GRIN2B: variants seen among roughly 807,000 people sequenced by gnomAD.
GRIN2B encodes the protein glutamate ionotropic receptor NMDA type subunit 2B, also known as glutamate receptor ionotropic, NMDA 2B.
In GRIN2B, 5 loss-of-function variants were observed where a neutral mutation model predicts 114.5. The ratio of observed to expected loss-of-function variants is 0.04; its 90% CI spans 0.02 to 0.09. The LOEUF is 0.09. Ranked by LOEUF, GRIN2B falls within the 10% of genes least tolerant of loss-of-function variation. The probability of loss-of-function intolerance (pLI) is 1.00; values close to 1 mark genes in which losing one functional copy is unlikely to be tolerated. For missense variants in GRIN2B, 1,108 were observed against 1,943.5 expected, an observed-to-expected ratio of 0.57 and a Z score of 8.08; for synonymous variants, 787 against 745.1, an observed-to-expected ratio of 1.06 and a Z score of -0.92.
At chr12:13,777,923 T>C (rs10845840) in intron 3 of GRIN2B, among the ~76,000 whole-genome samples, 88,798 of 152,054 alleles carry the variant, frequency 0.58, 26,767 homozygotes, top group East Asian at 0.99. Flanking sequence ...CAATTTCCTA[T>C]GTCTGCCTTG....
intron 4 of GRIN2B, among the ~76,000 whole-genome samples, chr12:13,685,490 G>A (rs1273413271): frequency 2.0e-5 from 3 of 152,142 alleles, no homozygotes; most frequent in Non-Finnish European, 4.4e-5. Flanking sequence ...AAGTGATTAT[G>A]TTGAATTGGG....
At chr12:13,916,373 C>A (rs1866720572) in intron 2 of GRIN2B, among the ~76,000 whole-genome samples, 2 of 152,090 alleles carry the variant, frequency 1.3e-5, no homozygotes, top group African/African-American at 4.8e-5. Context: ...TAAGAGAGAA[C>A]AGATTCATTC....
At chr12:13,970,252 C>T (rs1198746213) in intron 2 of GRIN2B, among the ~76,000 whole-genome samples, 2 of 152,108 alleles carry the variant, frequency 1.3e-5, no homozygotes, top group Non-Finnish European at 2.9e-5. Flanking sequence ...TGAGAGAGAG[C>T]TTTTTGAAGA....
chr12:13,903,130 A>T (rs2136789606), intron 2 of GRIN2B, among the ~76,000 whole-genome samples: 1 of 151,658 alleles, frequency 6.6e-6, no homozygotes, highest in South Asian at 2.1e-4. Context: ...ACCTTATATT[A>T]TTTTGTGTTG....
At chr12:13,744,536 G>C (rs1863341605) in intron 4 of GRIN2B, among the ~76,000 whole-genome samples, 1 of 152,070 alleles carries the variant, frequency 6.6e-6, no homozygotes, top group Non-Finnish European at 1.5e-5. Context: ...GGCAGCAAAA[G>C]ATCAATGAAC....
intron 4 of GRIN2B, among the ~76,000 whole-genome samples, chr12:13,743,132 C>A (rs1863314290): frequency 6.6e-6 from 1 of 152,168 alleles, no homozygotes; most frequent in African/African-American, 2.4e-5. Flanking sequence ...AACCCAACTG[C>A]CCACAAGCTT....
chr12:13,676,797 G>A (rs1009724685), intron 4 of GRIN2B, among the ~76,000 whole-genome samples: 22 of 152,152 alleles, frequency 1.4e-4, no homozygotes, highest in Admixed American at 3.9e-4. Context: ...GCAGGGATCT[G>A]ATATGACAGG....
chr12:13,537,980 T>A lies in GRIN2B; in HGVS notation c.*24803A>T, dbSNP rs1307691950. 4.6e-5 allele frequency: 7 copies of A among 152,232 alleles called. No homozygotes were observed. In the East Asian group the frequency reaches 1.3e-3, roughly 29 times the overall value. The allele number at this position is 152,232 out of a possible 1,614,324, so 9.4% of individuals were successfully genotyped here. ...CAGAACCACTTTTCTGGTGGTCTCT[T>A]CCCATCTTCTTGGTCATTCCAGAAT... On this transcript the variant is annotated 3_prime_UTR_variant, in exon 14 of 14. Transcript: ENST00000609686.
intron 3 of GRIN2B, among the ~76,000 whole-genome samples, chr12:13,848,641 C>T (rs1865506918): frequency 6.6e-6 from 1 of 152,142 alleles, no homozygotes; most frequent in Non-Finnish European, 1.5e-5. Context: ...TCCAGAAGCA[C>T]ACAAAAAAAC....
At chr12:13,693,238 A>G (rs1950230305) in intron 4 of GRIN2B, among the ~76,000 whole-genome samples, 1 of 152,184 alleles carries the variant, frequency 6.6e-6, no homozygotes, top group African/African-American at 2.4e-5. Flanking sequence ...TTCATTCTAC[A>G]TCATTTCGCT....
At chr12:13,894,348 G>T (rs976712086) in intron 2 of GRIN2B, among the ~76,000 whole-genome samples, 3 of 152,080 alleles carry the variant, frequency 2.0e-5, no homozygotes, top group African/African-American at 4.8e-5. Flanking sequence ...ACAGTAAGAA[G>T]GTGGTTAAGT....
chr12:13,926,885 G>A (rs891403492), intron 2 of GRIN2B, among the ~76,000 whole-genome samples: 5 of 151,822 alleles, frequency 3.3e-5, no homozygotes, highest in African/African-American at 9.7e-5. Flanking sequence ...CCCAGGAGGT[G>A]GAGCTTGCAG....
rs1342257244 is a variant in GRIN2B at position 13,548,233 on chromosome 12, T to G, written c.*14550A>C. On this transcript the variant is annotated 3_prime_UTR_variant, in exon 14 of 14. Transcript: ENST00000609686. ...AGGATAGCTAAGCACCCATGCCCCC[T>G]AAGGGATACTTGAAATAGGAAGATA... is the stretch of plus-strand genomic sequence containing the variant. The G allele has an allele frequency of 6.6e-6, 1 of 151,992 alleles. No homozygotes were observed. Among genetic ancestry groups the G allele is most frequent in the East Asian group, 1.9e-4 (1 of 5,152 alleles). The allele number at this position is 151,992 out of a possible 1,614,324, so 9.4% of individuals were successfully genotyped here. A position where few individuals can be genotyped will look rare whatever the true frequency, so the allele number is the denominator to read the frequency against.
chr12:13,866,073 C>T lies in GRIN2B; in HGVS notation c.136G>A (p.Asp46Asn), dbSNP rs370809599. The stretch of plus-strand genomic sequence containing the variant: ...TGGGCATCCTTGATGGCCACCTCGT[C>T]GGAAGTGCCCACGAGGATGACAGCA... ...GIAVILVGTS[D>N]EVAIKDAHEK... The change falls in exon 3 of 14, where the codon GAC (aspartate) becomes AAC (asparagine). Residue 46 changes from aspartate (D) to asparagine (N), a missense_variant. Asp to Asn is a conservative substitution (Grantham distance 23). Transcript: ENST00000609686. 6.2e-6 allele frequency: 10 copies of T among 1,614,024 alleles called. No homozygotes were observed. Among genetic ancestry groups the T allele is most frequent in the East Asian group, 2.2e-5 (1 of 44,850 alleles).
At chr12:13,658,201 C>G (rs1235099589) in intron 5 of GRIN2B, among the ~76,000 whole-genome samples, 2 of 150,498 alleles carry the variant, frequency 1.3e-5, no homozygotes, top group East Asian at 3.9e-4. Flanking sequence ...GAGCAAAACT[C>G]CATCTAAAAA....
intron 10 of GRIN2B, among the ~76,000 whole-genome samples, chr12:13,589,065 T>C (rs1948970160): frequency 6.6e-6 from 1 of 152,212 alleles, no homozygotes; most frequent in Admixed American, 6.5e-5. Context: ...GACATACTTA[T>C]ACTAAAATCA....
intron 2 of GRIN2B, among the ~76,000 whole-genome samples, chr12:13,871,938 G>A (rs1865916210): frequency 6.6e-6 from 1 of 152,056 alleles, no homozygotes; most frequent in Non-Finnish European, 1.5e-5. Context: ...CACCCCTAAT[G>A]TGACAAAACT....
intron 4 of GRIN2B, among the ~76,000 whole-genome samples, chr12:13,706,452 G>A (rs886334488): frequency 1.3e-5 from 2 of 152,200 alleles, no homozygotes; most frequent in South Asian, 2.1e-4. Flanking sequence ...TCAATCAGCA[G>A]AGAAAATAAA....
chr12:13,958,313 C>A (rs183190799), intron 2 of GRIN2B, among the ~76,000 whole-genome samples: 30 of 152,136 alleles, frequency 2.0e-4, no homozygotes, highest in African/African-American at 7.2e-4. Flanking sequence ...AGCATGGGAC[C>A]CCGGAATTCA....
Sources: allele counts gnomAD v4.1 joint callset (sites outside exome capture counted in the v4.1 genomes callset), GRCh38; gene constraint gnomAD v4.1.1; transcripts MANE v1.5; gene names NCBI Gene and HGNC (gene_info 2026-07-23, HGNC 2026-07-21).